Variants in ZFP62 observed in about 807,000 individuals in gnomAD.
ZFP62 encodes ZFP62 zinc finger protein.
A neutral mutation model predicts 56.4 loss-of-function variants in ZFP62; 44 were observed. The observed-to-expected ratio is 0.78, with a 90% CI of 0.61 to 1.00. ZFP62 has a LOEUF of 1.00. Among genes scored for constraint, ZFP62 ranks in the 50% least tolerant of loss-of-function variants. The pLI is 0.00. For synonymous variants in ZFP62, 421 were observed against 388.9 expected (o/e 1.08, Z -0.97); for missense variants, 1,030 against 1,085.7 (o/e 0.95, Z 0.72).
the ZFP62 span, among the ~76,000 whole-genome samples, chr5:180,827,460 G>A: frequency 6.6e-6 from 1 of 151,680 alleles, no homozygotes; most frequent in East Asian, 1.9e-4. Context: ...ATTAAGGGCT[G>A]TGCAGGGTGT....
At chr5:180,851,917 CTTT>C (rs1391582141) in intron 1 of ZFP62, 2 of 715,802 alleles carry the variant, frequency 2.8e-6, no homozygotes, top group Non-Finnish European at 3.4e-6. Flanking sequence ...TTAGGTAAAA[CTTT>C]TTTTTATTAT....
Position 180,847,998 on chromosome 5 carries a change from T to G in ZFP62, c.*794A>C. On this transcript the variant is annotated 3_prime_UTR_variant, in exon 2 of 2. Coordinates refer to ENST00000502412, the MANE Select transcript of ZFP62 (RefSeq NM_001172638.2). ...TCAAAATCCTCTCCACGGTAGAACC[T>G]TTTATTGTAGCATAATGTGTGAATA... 5 of 985,464 alleles carry G rather than the reference T, an allele frequency of 5.1e-6. No homozygotes were observed. The highest frequency in any genetic ancestry group is 6.0e-6 in the Non-Finnish European group (5 of 829,928). The allele number at this position is 985,464 out of a possible 1,614,324, so 61.0% of individuals were successfully genotyped here.
Position 180,850,967 on chromosome 5 carries a change from C to A in ZFP62, c.528G>T (p.Gly176=), listed in dbSNP as rs1341374218. The change falls in exon 2 of 2, where the codon GGG becomes GGT. Residue 176 remains glycine (G), a synonymous_variant. Coordinates refer to ENST00000502412, the MANE Select transcript of ZFP62 (RefSeq NM_001172638.2). ...GAAGGCTCGAGCTGCTCCGGAAAGTCCCTCCACAGTCATCACATTCATAGC... is the reference window on the plus strand; with the variant it reads ...GAAGGCTCGAGCTGCTCCGGAAAGTACCTCCACAGTCATCACATTCATAGC... ...EKRYECDDCG[G]TFRSSSSLRV... 3 of 1,553,506 alleles carry A rather than the reference C, an allele frequency of 1.9e-6. No homozygotes were observed. The highest frequency in any genetic ancestry group is 1.7e-6 in the Non-Finnish European group (2 of 1,148,240).
chr5:180,836,301 C>CA, the ZFP62 span, among the ~76,000 whole-genome samples: 16 of 152,208 alleles, frequency 1.1e-4, no homozygotes, highest in Non-Finnish European at 1.9e-4. Context: ...AGCCTGAAAT[C>CA]AAGTTGTTAG....
chr5:180,845,766 T>TTCAGGTGTTGTCCTGGTGGTGATCCTC, downstream of ZFP62: 1 of 985,094 alleles, frequency 1.0e-6, no homozygotes, highest in Non-Finnish European at 1.2e-6. Flanking sequence ...TAACACCATC[T>TTCAGGTGTTGTCCTGGTGGTGATCCTC]TCAGGTGTTG....
Position 180,848,865 on chromosome 5 carries a change from C to A in ZFP62, c.2630G>T (p.Ser877Ile), listed in dbSNP as rs1406678481. 12 of 1,551,492 alleles carry A rather than the reference C, an allele frequency of 7.7e-6. No individual in the cohort carries two copies. The highest frequency in any genetic ancestry group is 2.7e-5 in the African/African-American group (2 of 73,046). ...SLNVIYVGSYSGTSQKRTYEG... is the reference protein window; with the variant it reads ...SLNVIYVGSYIGTSQKRTYEG... ...ATAGGTTCTCTTCTGGGATGTGCCA[C>A]TATAACTTCCCACATATATCACATT... Residue 877 changes from serine (S) to isoleucine (I), a missense_variant, in exon 2 of 2, where the codon AGT becomes ATT. Transcript: ENST00000502412.
chr5:180,841,175 A>G, the ZFP62 span, among the ~76,000 whole-genome samples: 7 of 152,156 alleles, frequency 4.6e-5, no homozygotes, highest in African/African-American at 1.2e-4. Context: ...TTTTGTGGAA[A>G]GAAAATGAAC....
Position 180,849,047 on chromosome 5 carries a change from C to T in ZFP62, c.2448G>A (p.Glu816=). The change falls in exon 2 of 2, where the codon GAG becomes GAA. Residue 816 remains glutamate (E), a synonymous_variant. Transcript: ENST00000502412. The stretch of plus-strand genomic sequence containing the variant: ...ATCTATAATTGAAGGATTTCCCACA[C>T]TCACAATTATAGGGCTGCTTCCCCT... ...VHQGKQPYNC[E]CGKSFNYRSV... 7 of 1,552,292 alleles carry T rather than the reference C, an allele frequency of 4.5e-6. No homozygotes were observed. Among genetic ancestry groups the T allele is most frequent in the Non-Finnish European group, 6.1e-6 (7 of 1,147,138 alleles).
At chr5:180,843,029 C>T (rs1328632608), downstream of ZFP62, among the ~76,000 whole-genome samples, 1 of 120,068 alleles carries the variant, frequency 8.3e-6, no homozygotes, top group Non-Finnish European at 1.7e-5. Flanking sequence ...GGTGACAAAG[C>T]AAGACTGTCT....
At chr5:180,861,185 G>C (rs1157527744) in intron 1 of ZFP62, 34 bp downstream of exon 1, 3 of 398,446 alleles carry the variant, frequency 7.5e-6, no homozygotes, top group Non-Finnish European at 8.9e-6. Context: ...CAAGGGCCGG[G>C]GGCGGGAGCG....
the ZFP62 span, among the ~76,000 whole-genome samples, chr5:180,828,359 G>T: frequency 6.6e-6 from 1 of 152,138 alleles, no homozygotes; most frequent in Non-Finnish European, 1.5e-5. Flanking sequence ...AGTCCGTAAG[G>T]CCCGGTGGGC....
chr5:180,838,819 T>C, the ZFP62 span, among the ~76,000 whole-genome samples: 3 of 149,550 alleles, frequency 2.0e-5, no homozygotes, highest in African/African-American at 7.3e-5. Flanking sequence ...TTTCATACAC[T>C]ATTGTCAAAA....
chr5:180,853,063 G>A (rs1333582200), intron 1 of ZFP62, among the ~76,000 whole-genome samples: 1 of 152,192 alleles, frequency 6.6e-6, no homozygotes, highest in Admixed American at 6.5e-5. Flanking sequence ...TTACCCAGAA[G>A]TCCTACTTTA....
At chr5:180,854,275 CATCCAGTGTTCA>C (rs1773859942) in intron 1 of ZFP62, among the ~76,000 whole-genome samples, 2 of 152,176 alleles carry the variant, frequency 1.3e-5, no homozygotes, top group Non-Finnish European at 2.9e-5. Flanking sequence ...CCAGCTTGAA[CATCCAGTGTTCA>C]AGCACCGTAA....
At position 180,850,509 on chromosome 5, in the gene ZFP62, C is replaced by A. The variant is rs1427485491; in HGVS notation, c.986G>T (p.Ser329Ile). The A allele has an allele frequency of 6.4e-7, 1 of 1,552,832 alleles. No homozygotes were observed. The highest frequency in any genetic ancestry group is 8.7e-7 in the Non-Finnish European group (1 of 1,147,674). Residue 329 changes from serine (S) to isoleucine (I), a missense_variant, in exon 2 of 2, where the codon AGC becomes ATC. Coordinates refer to ENST00000502412, the MANE Select transcript of ZFP62 (RefSeq NM_001172638.2). The part of the protein sequence containing the change: ...ITCRTLLNHK[S>I]IHFGDKPYKC... ...ATAGGGTTTATCTCCAAAGTGGATG[C>A]TTTTATGGTTGAGAAGTGTTCTACA...
the ZFP62 span, among the ~76,000 whole-genome samples, chr5:180,836,103 G>A: frequency 3.3e-5 from 5 of 152,244 alleles, no homozygotes; most frequent in African/African-American, 7.2e-5. Flanking sequence ...AGGCCATGCC[G>A]TGCAGCCTAG....
the ZFP62 span, among the ~76,000 whole-genome samples, chr5:180,829,529 C>T: frequency 4.6e-5 from 7 of 152,306 alleles, no homozygotes; most frequent in South Asian, 2.1e-4. Flanking sequence ...ATTTCTCAGC[C>T]GGCCAACATT....
chr5:180,826,984 T>A, the ZFP62 span, among the ~76,000 whole-genome samples: 1 of 152,122 alleles, frequency 6.6e-6, no homozygotes, highest in East Asian at 1.9e-4. Context: ...ATAAATTGAG[T>A]GCTGGGGAAG....
the ZFP62 span, among the ~76,000 whole-genome samples, chr5:180,840,080 TC>T: frequency 6.6e-6 from 1 of 152,094 alleles, no homozygotes; most frequent in African/African-American, 2.4e-5. Context: ...GAGCTGAGGA[TC>T]CCCAGGTGGA....
Sources: gnomAD v4.1 joint callset for allele counts (sites outside exome capture counted in the v4.1 genomes callset) on GRCh38, gnomAD v4.1.1 for gene constraint, MANE v1.5 for transcripts, NCBI Gene and HGNC (gene_info 2026-07-23, HGNC 2026-07-21) for gene names.